The following LY6G6F variants were observed in gnomAD, a reference collection of about 807,000 sequenced individuals.
LY6G6F encodes the protein lymphocyte antigen 6 complex locus protein G6f.
A neutral mutation model predicts 33.0 loss-of-function variants in LY6G6F; 26 were observed. The observed-to-expected ratio is 0.79, with a 90% confidence interval of 0.58 to 1.09. The LOEUF is 1.09. LY6G6F is among the 50% of genes least tolerant of loss of function. The pLI is 0.00. For missense variants in LY6G6F, 317 were observed against 372.0 expected (o/e 0.85, Z 1.22); for synonymous variants, 132 against 148.1 (o/e 0.89, Z 0.79).
Position 31,708,121 on chromosome 6 carries a change from C to G in LY6G6F, c.633C>G (p.Ser211Arg), listed in dbSNP as rs1295437682. The change falls in exon 3 of 6, where the codon AGC (serine) becomes AGG (arginine). Residue 211 changes from serine (S) to arginine (R), a missense_variant. Coordinates refer to ENST00000375832, the MANE Select transcript of LY6G6F (RefSeq NM_001003693.3). ...RCLMTHNKGV[S>R]FSLAASIDAS... ...TCATGACTCACAACAAAGGGGTCAG[C>G]TTTAGCCTGGCAGGTAAACTGAGGA... 5 of 1,547,336 alleles carry G rather than the reference C, an allele frequency of 3.2e-6. No individual in the cohort carries two copies. In the Admixed American group the frequency reaches 6.1e-5, roughly 19 times the overall value.
In LY6G6F at chr6:31,710,506, C is replaced by G; in HGVS notation, c.870-61C>G. The G allele has an allele frequency of 6.2e-7, 1 of 1,613,688 alleles. No homozygotes were observed. The highest frequency in any genetic ancestry group is 8.5e-7 in the Non-Finnish European group (1 of 1,179,634). Reference sequence around the variant, plus strand: ...ACGGGTTGGGTTGGGGATGGGCCCTCGTTCCTGAGGATGTGAAAAGTAGAG... The same window carrying G: ...ACGGGTTGGGTTGGGGATGGGCCCTGGTTCCTGAGGATGTGAAAAGTAGAG... On this transcript the variant is annotated intron_variant, in intron 5 of 5. Coordinates refer to ENST00000375832, the MANE Select transcript of LY6G6F (RefSeq NM_001003693.3). The surrounding 1 kb of genome is among the most constrained non-coding windows in gnomAD (Gnocchi z 4.7).
chr6:31,710,185 A>G lies in LY6G6F; in HGVS notation c.802+4A>G. 1 of 1,609,928 alleles carries G rather than the reference A, an allele frequency of 6.2e-7. No individual in the cohort carries two copies. Among genetic ancestry groups the G allele is most frequent in the Non-Finnish European group, 8.5e-7 (1 of 1,177,750 alleles). ...GTCCGTGGGGCTCCAGGCAGAGGTG[A>G]GTCCCTCCCTCCCCGGGGAAAGAAG... On this transcript the variant is annotated splice_donor_region_variant and intron_variant, in intron 4 of 5. Transcript: ENST00000375832. The surrounding 1 kb of genome is among the most constrained non-coding windows in gnomAD (Gnocchi z 4.7).
Position 31,707,673 on chromosome 6 carries a change from T to G in LY6G6F, c.268T>G (p.Ser90Ala), listed in dbSNP as rs762571916. Residue 90 changes from serine (S) to alanine (A), a missense_variant, in exon 2 of 6, where the codon TCT (serine) becomes GCT (alanine). Coordinates refer to ENST00000375832, the MANE Select transcript of LY6G6F (RefSeq NM_001003693.3). The surrounding 1 kb of genome is among the most constrained non-coding windows in gnomAD (Gnocchi z 4.1). The stretch of plus-strand genomic sequence containing the variant: ...CAGGCTCAGACTGCTGGGGAACTAT[T>G]CTTTGTGGTTGGAGGGATCCAAAGA... Reference protein sequence around the residue: ...ESRLRLLGNYSLWLEGSKEED... With the variant: ...ESRLRLLGNYALWLEGSKEED... 1.2e-6 allele frequency: 2 copies of G among 1,614,016 alleles called. No individual in the cohort carries two copies. The highest frequency in any genetic ancestry group is 1.7e-6 in the Non-Finnish European group (2 of 1,179,926).
At chr6:31,709,940 T>A in intron 3 of LY6G6F, 86 bp from the exon 4 acceptor site, 1 of 1,372,228 alleles carries the variant, frequency 7.3e-7, no homozygotes, top group Non-Finnish European at 1.0e-6. Flanking sequence ...CCCACCAGAC[T>A]GTGGAGGGGA....
chr6:31,708,973 G>A (rs1805817189), intron 3 of LY6G6F, among the ~76,000 whole-genome samples: 1 of 151,464 alleles, frequency 6.6e-6, no homozygotes, highest in African/African-American at 2.4e-5. Context: ...CACCATGTTG[G>A]CCAGGATGGC....
intron 3 of LY6G6F, among the ~76,000 whole-genome samples, chr6:31,708,638 A>G (rs1805794949): frequency 6.6e-6 from 1 of 151,662 alleles, no homozygotes; most frequent in Non-Finnish European, 1.5e-5. Context: ...TTATTTTATT[A>G]TTATTAGGCC....
At position 31,710,335 on chromosome 6, in the gene LY6G6F, T is replaced by A. The variant is rs910745842; in HGVS notation, c.803-17T>A. The A allele has an allele frequency of 3.7e-6, 6 of 1,613,680 alleles. No individual in the cohort carries two copies. In the Admixed American group the frequency reaches 5.0e-5, roughly 13 times the overall value. On this transcript the variant is annotated splice_polypyrimidine_tract_variant and intron_variant, in intron 4 of 5. Coordinates refer to ENST00000375832, the MANE Select transcript of LY6G6F (RefSeq NM_001003693.3). This position sits in a 1 kb window ranked among gnomAD's most constrained non-coding sequence, Gnocchi z 4.7. ...GCTGACTTCTCTTCTGTATCCCTGA[T>A]GGCTCCTTCTCCCCAGATGCCTCGA...
chr6:31,709,268 G>GTT (rs753450115), intron 3 of LY6G6F, among the ~76,000 whole-genome samples: 13 of 138,804 alleles, frequency 9.4e-5, no homozygotes, highest in African/African-American at 8.0e-5. Flanking sequence ...GTTTTTTTTT[G>GTT]TTTTTTTTTT....
intron 3 of LY6G6F, among the ~76,000 whole-genome samples, chr6:31,709,685 C>T (rs1203018619): frequency 6.6e-6 from 1 of 152,136 alleles, no homozygotes; most frequent in Non-Finnish European, 1.5e-5. Flanking sequence ...TGAACCACTG[C>T]GCCTGGCCTC....
Position 31,707,824 on chromosome 6 carries a change from C to T in LY6G6F, c.382+37C>T, listed in dbSNP as rs1221661812. The T allele has an allele frequency of 1.9e-6, 3 of 1,607,562 alleles. No homozygotes were observed. In the South Asian group the frequency reaches 3.3e-5, roughly 18 times the overall value. On this transcript the variant is annotated intron_variant, in intron 2 of 5. Transcript: ENST00000375832. The surrounding 1 kb of genome is among the most constrained non-coding windows in gnomAD (Gnocchi z 4.1). Reference sequence around the variant, plus strand: ...CATGCAGACCAGGGGCTACTGTGGCCCAGGAAGTCCAGGTGAAGAACTGAG... The same window carrying T: ...CATGCAGACCAGGGGCTACTGTGGCTCAGGAAGTCCAGGTGAAGAACTGAG...
At chr6:31,708,815 A>C (rs1297703048) in intron 3 of LY6G6F, among the ~76,000 whole-genome samples, 1 of 151,960 alleles carries the variant, frequency 6.6e-6, no homozygotes, top group African/African-American at 2.4e-5. Context: ...AACCCCAGCT[A>C]CTCGGGAGGC....
Position 31,707,361 on chromosome 6 carries a change from G to A in LY6G6F, c.53-97G>A. The A allele has an allele frequency of 2.7e-6, 3 of 1,116,842 alleles. No individual in the cohort carries two copies. Among genetic ancestry groups the A allele is most frequent in the South Asian group, 1.5e-5 (1 of 68,782 alleles). 69.2% of individuals were successfully genotyped at this position (1,116,842 alleles called of 1,614,324 possible). On this transcript the variant is annotated intron_variant, in intron 1 of 5. Transcript: ENST00000375832. The surrounding 1 kb of genome is among the most constrained non-coding windows in gnomAD (Gnocchi z 4.1). ...GTGGTCACCAGCCAGGCCTGTGCTG[G>A]GGGACCCCAGAAGGGAAGGAAGCCA...
chr6:31,709,135 C>T (rs1354533349), intron 3 of LY6G6F, among the ~76,000 whole-genome samples: 5 of 135,180 alleles, frequency 3.7e-5, no homozygotes, highest in Non-Finnish European at 6.1e-5. Flanking sequence ...TGCAGTGGCA[C>T]GATCTTGGCT....
intron 3 of LY6G6F, among the ~76,000 whole-genome samples, chr6:31,708,335 A>G (rs996520139): frequency 6.6e-6 from 1 of 152,182 alleles, no homozygotes; most frequent in African/African-American, 2.4e-5. Flanking sequence ...TGCTGGGATT[A>G]TAGGCATGAG....
At chr6:31,708,598 G>A (rs1222629135) in intron 3 of LY6G6F, among the ~76,000 whole-genome samples, 1 of 152,176 alleles carries the variant, frequency 6.6e-6, no homozygotes, top group East Asian at 1.9e-4. Context: ...AGGGGGCATT[G>A]CCATTCTCTA....
Position 31,710,146 on chromosome 6 carries a change from T to G in LY6G6F, c.767T>G (p.Leu256Arg), listed in dbSNP as rs769729154. The change falls in exon 4 of 6, where the codon CTC (leucine) becomes CGC (arginine). Residue 256 changes from leucine to arginine, a missense_variant. Coordinates refer to ENST00000375832, the MANE Select transcript of LY6G6F (RefSeq NM_001003693.3). This position sits in a 1 kb window ranked among gnomAD's most constrained non-coding sequence, Gnocchi z 4.7. ...GVVILALSIV[L>R]WRQRVRGAPG... The stretch of plus-strand genomic sequence containing the variant: ...GTCATCCTGGCCCTCAGCATCGTGC[T>G]CTGGAGGCAGAGGGTCCGTGGGGCT... The G allele has an allele frequency of 6.2e-7, 1 of 1,612,898 alleles. No homozygotes were observed. Among genetic ancestry groups the G allele is most frequent in the Non-Finnish European group, 8.5e-7 (1 of 1,179,942 alleles).
chr6:31,708,205 G>A (rs1264801268), intron 3 of LY6G6F, 71 bp downstream of exon 3: 7 of 1,488,942 alleles, frequency 4.7e-6, no homozygotes, highest in East Asian at 2.3e-5. Context: ...AATTACAGGC[G>A]CCCGCCACCA....
In LY6G6F at chr6:31,708,094, C is replaced by A; in HGVS notation, c.606C>A (p.Cys202Ter). ...GCCGAAGACCAAGAATCATCCGCTG[C>A]CTCATGACTCACAACAAAGGGGTCA... Reference protein sequence around the residue: ...PRSRRPRIIRCLMTHNKGVSF... With the variant: ...PRSRRPRIIR The change falls in exon 3 of 6, where the codon TGC (cysteine) becomes TGA (stop). Residue 202 changes from cysteine (C) to a stop codon, truncating the protein, a stop_gained. Transcript: ENST00000375832. LOFTEE classifies it high-confidence loss of function. The A allele has an allele frequency of 6.3e-7, 1 of 1,596,724 alleles. No individual in the cohort carries two copies. The highest frequency in any genetic ancestry group is 8.5e-7 in the Non-Finnish European group (1 of 1,171,534).
At chr6:31,709,937 G>C in intron 3 of LY6G6F, 89 bp from the exon 4 acceptor site, 1 of 1,344,408 alleles carries the variant, frequency 7.4e-7, no homozygotes, top group Non-Finnish European at 1.0e-6. Flanking sequence ...GAGCCCACCA[G>C]ACTGTGGAGG....
Sources: gnomAD v4.1 joint callset for allele counts (sites outside exome capture counted in the v4.1 genomes callset) on GRCh38, gnomAD v4.1.1 for gene constraint, Gnocchi (gnomAD v3.1) non-coding constraint, MANE v1.5 for transcripts, NCBI Gene and HGNC (gene_info 2026-07-23, HGNC 2026-07-21) for gene names.